FBP1: variants seen among roughly 807,000 people sequenced by gnomAD.
FBP1 encodes fructose-bisphosphatase 1, also known as fructose-1,6-bisphosphatase 1.
In FBP1, 22 loss-of-function variants were observed where a neutral mutation model predicts 29.9. That is an observed-to-expected ratio of 0.74 (90% CI 0.53 to 1.05). The LOEUF (loss-of-function observed/expected upper bound fraction) is 1.05. Among genes scored for constraint, FBP1 ranks in the 50% least tolerant of loss-of-function variants. The pLI is 0.00. For synonymous variants in FBP1, 175 were observed against 178.6 expected (o/e 0.98, Z 0.16); for missense variants, 345 against 448.2 (o/e 0.77, Z 2.08).
intron 3 of FBP1, among the ~76,000 whole-genome samples, chr9:94,617,540 A>C (rs1313019415): frequency 1.3e-5 from 2 of 152,210 alleles, no homozygotes; most frequent in Non-Finnish European, 1.5e-5. Flanking sequence ...AAAAGAGTGA[A>C]ATATCCTTCT....
At chr9:94,639,573 C>T (rs2131509758), upstream of FBP1, 1 of 572,678 alleles carries the variant, frequency 1.7e-6, no homozygotes, top group African/African-American at 1.9e-5. Context: ...CGGCCCCCCG[C>T]CCCCGGGAAC....
At chr9:94,617,255 C>T (rs747834072) in intron 3 of FBP1, among the ~76,000 whole-genome samples, 5 of 152,000 alleles carry the variant, frequency 3.3e-5, no homozygotes, top group African/African-American at 4.8e-5. Flanking sequence ...AAATGGATCA[C>T]GAAACTTTGT....
At chr9:94,607,072 T>A in intron 4 of FBP1, 120 bp from the exon 5 acceptor site, 1 of 1,355,454 alleles carries the variant, frequency 7.4e-7, no homozygotes, top group Non-Finnish European at 1.0e-6. Context: ...CGGGCACCAC[T>A]CATCTTGGGG....
At chr9:94,625,882 A>G (rs1200547958) in intron 1 of FBP1, among the ~76,000 whole-genome samples, 2 of 151,746 alleles carry the variant, frequency 1.3e-5, no homozygotes, top group Non-Finnish European at 2.9e-5. Context: ...CATCCACCAA[A>G]TCACGCAGGA....
intron 3 of FBP1, among the ~76,000 whole-genome samples, chr9:94,616,457 T>C (rs1827864313): frequency 7.1e-6 from 1 of 140,174 alleles, no homozygotes; most frequent in Non-Finnish European, 1.5e-5. Context: ...ACTTTTTTTT[T>C]TGAGACGGAG....
chr9:94,621,776 T>G (rs181799844), intron 1 of FBP1, among the ~76,000 whole-genome samples: 9 of 152,184 alleles, frequency 5.9e-5, no homozygotes, highest in Admixed American at 5.2e-4. Context: ...GTTAAACGAA[T>G]CAATAGAGAG....
intron 1 of FBP1, among the ~76,000 whole-genome samples, chr9:94,636,806 A>T (rs1281561361): frequency 6.6e-6 from 1 of 151,964 alleles, no homozygotes; most frequent in East Asian, 1.9e-4. Flanking sequence ...CTCCTGCCTC[A>T]GCCTCCCAAG....
intron 4 of FBP1, among the ~76,000 whole-genome samples, chr9:94,608,641 G>A (rs1001132471): frequency 1.3e-5 from 2 of 150,770 alleles, no homozygotes; most frequent in Non-Finnish European, 2.9e-5. Flanking sequence ...CACATTTGGC[G>A]ACTTTAACTA....
chr9:94,639,146 C>T lies in FBP1; in HGVS notation c.165G>A (p.Ala55=). The change falls in exon 1 of 7, where the codon GCG becomes GCA. Residue 55 remains alanine (A), a synonymous_variant. Coordinates refer to ENST00000375326, the MANE Select transcript of FBP1 (RefSeq NM_000507.4). The stretch of plus-strand genomic sequence containing the variant: ...CCGCCCAAGGCCCGACTCACAGGTG[C>T]GCGATGCCCGCCTTGCGCACCGCCG... ...ISSAVRKAGI[A]HLYGIAGSTN... 6.3e-7 allele frequency: 1 copy of T among 1,598,380 alleles called. No homozygotes were observed. Among genetic ancestry groups the T allele is most frequent in the Non-Finnish European group, 8.5e-7 (1 of 1,173,150 alleles).
At chr9:94,613,796 G>A (rs201461094) in intron 3 of FBP1, among the ~76,000 whole-genome samples, 1 of 138,638 alleles carries the variant, frequency 7.2e-6, no homozygotes, top group Non-Finnish European at 1.6e-5. Context: ...AAAAAAAAAA[G>A]GCCGGACGCA....
In FBP1 at chr9:94,620,496, A is replaced by G; in HGVS notation, c.171-5T>C. 6.2e-7 allele frequency: 1 copy of G among 1,613,862 alleles called. No individual in the cohort carries two copies. The highest frequency in any genetic ancestry group is 8.5e-7 in the Non-Finnish European group (1 of 1,179,850). On this transcript the variant is annotated splice_region_variant and splice_polypyrimidine_tract_variant and intron_variant, in intron 1 of 6. Transcript: ENST00000375326. ...GTAGAACCAGCAATGCCATAGCTAC[A>G]GGGAACAAAAGCCACAAAAAATAAG... is the stretch of plus-strand genomic sequence containing the variant.
chr9:94,606,719 G>A, intron 5 of FBP1, 96 bp downstream of exon 5: 2 of 1,280,356 alleles, frequency 1.6e-6, no homozygotes, highest in Non-Finnish European at 2.2e-6. Flanking sequence ...CGATCCCAAG[G>A]ATCCCTTTCA....
intron 1 of FBP1, among the ~76,000 whole-genome samples, chr9:94,623,078 A>G (rs1416950765): frequency 6.6e-6 from 1 of 151,994 alleles, no homozygotes; most frequent in East Asian, 1.9e-4. Context: ...TCCGCCTCCC[A>G]GGTTCAAGCG....
chr9:94,639,333 G>A lies in FBP1; in HGVS notation c.-23C>T, dbSNP rs747477454. 7.5e-6 allele frequency: 12 copies of A among 1,598,498 alleles called. No homozygotes were observed. The Admixed American group carries it at 1.9e-4, about 25-fold the overall frequency. ...CATGCTTGAACCGGGTAGAGCGCGGGGCTGCAGGTGCAAGCGGCAGGTGCG... is the reference window on the plus strand; with the variant it reads ...CATGCTTGAACCGGGTAGAGCGCGGAGCTGCAGGTGCAAGCGGCAGGTGCG... On this transcript the variant is annotated 5_prime_UTR_variant, in exon 1 of 7. Transcript: ENST00000375326.
intron 1 of FBP1, among the ~76,000 whole-genome samples, chr9:94,622,276 G>A (rs2131491771): frequency 6.6e-6 from 1 of 152,366 alleles, no homozygotes; most frequent in East Asian, 1.9e-4. Context: ...CTCACAGGAA[G>A]GATGCACAGA....
At chr9:94,632,083 CTGCAAATTGGAAGA>C (rs1459601972) in intron 1 of FBP1, among the ~76,000 whole-genome samples, 1 of 152,124 alleles carries the variant, frequency 6.6e-6, no homozygotes, top group East Asian at 1.9e-4. Context: ...ATGCCAAAAA[CTGCAAATTGGAAGA>C]TAAGCCTAAA....
intron 5 of FBP1, 98 bp from the exon 6 acceptor site, chr9:94,605,674 G>A (rs992494549): frequency 5.5e-5 from 66 of 1,196,002 alleles, no homozygotes; most frequent in Admixed American, 7.7e-5. Context: ...TCCATTCACC[G>A]AGCACCTACA....
chr9:94,626,649 C>T (rs7025253), intron 1 of FBP1, among the ~76,000 whole-genome samples: 143,606 of 152,264 alleles, frequency 0.94, 67,740 homozygotes, highest in East Asian at 1. Context: ...GCAAGGCTTC[C>T]GTGATTCTGA....
chr9:94,623,985 G>A (rs1827984590), intron 1 of FBP1, among the ~76,000 whole-genome samples: 1 of 152,208 alleles, frequency 6.6e-6, no homozygotes, highest in Admixed American at 6.5e-5. Flanking sequence ...AGATGGTCAG[G>A]AAGATCTCTA....
Sources: gnomAD v4.1 joint callset for allele counts (sites outside exome capture counted in the v4.1 genomes callset) on GRCh38, gnomAD v4.1.1 for gene constraint, MANE v1.5 for transcripts, NCBI Gene and HGNC (gene_info 2026-07-23, HGNC 2026-07-21) for gene names.